MLYCD: variants seen among roughly 807,000 people sequenced by gnomAD.
The protein encoded by MLYCD is malonyl-CoA decarboxylase.
In MLYCD, 27 loss-of-function variants were observed where a neutral mutation model predicts 35.8. The observed-to-expected ratio is 0.75, with a 90% CI of 0.56 to 1.04. The LOEUF is 1.04. Ranked by LOEUF, MLYCD falls within the 50% of genes least tolerant of loss-of-function variation. The probability of loss-of-function intolerance (pLI) is 0.00; values close to 1 mark genes in which losing one functional copy is unlikely to be tolerated. For synonymous variants in MLYCD, 403 were observed against 302.4 expected (o/e 1.33, Z -3.45); for missense variants, 917 against 665.1 (o/e 1.38, Z -4.17).
chr16:83,903,348 A>T (rs1165135908), intron 1 of MLYCD, among the ~76,000 whole-genome samples: 1 of 152,154 alleles, frequency 6.6e-6, no homozygotes, highest in African/African-American at 2.4e-5. Flanking sequence ...ACCTATGCTA[A>T]ATAATACTTA....
At chr16:83,912,794 C>A in intron 4 of MLYCD, 2 of 305,032 alleles carry the variant, frequency 6.6e-6, no homozygotes, top group African/African-American at 4.3e-5. Flanking sequence ...CTCAGGGCCT[C>A]TGACACCTGA....
In MLYCD at chr16:83,907,844, C is replaced by T. The variant is rs114391845; in HGVS notation, c.642-282C>T. On this transcript the variant is annotated intron_variant, in intron 2 of 4. Transcript: ENST00000262430. ...ACACCAAGCGTTTGATTAGGTTTCA[C>T]GTTAAAATCTGCATGAATCCTTCCC... Among the ~76,000 whole-genome samples the T allele has an allele frequency of 7.5e-3, 1,144 of 152,254 alleles. 10 individuals carry two copies. Among genetic ancestry groups the T allele is most frequent in the Middle Eastern group, 0.014 (4 of 294 alleles).
At chr16:83,914,049 A>C (rs1268702571) in intron 4 of MLYCD, 1 of 152,244 alleles carries the variant, frequency 6.6e-6, no homozygotes, top group Non-Finnish European at 1.5e-5. Flanking sequence ...AAGAAACACC[A>C]GGAGTTTATC....
chr16:83,923,254 CTG>C lies in MLYCD; in HGVS notation c.*7767_*7768del, dbSNP rs1907708936. ...TGCAGGCATGTGCTTATTCTGAGCTCTGTTTGAAATTAAACATGAGGTGTACT... is the reference window on the plus strand; with the variant it reads ...TGCAGGCATGTGCTTATTCTGAGCTCTTTGAAATTAAACATGAGGTGTACT... On this transcript the variant is annotated 3_prime_UTR_variant, in exon 5 of 5. Coordinates refer to ENST00000262430, the MANE Select transcript of MLYCD (RefSeq NM_012213.3). The C allele has an allele frequency of 6.6e-6, 1 of 152,340 alleles. No individual in the cohort carries two copies. Among genetic ancestry groups the C allele is most frequent in the South Asian group, 2.1e-4 (1 of 4,826 alleles). 9.4% of individuals were successfully genotyped at this position (152,340 alleles called of 1,614,324 possible).
chr16:83,908,728 G>A (rs1386126185), intron 3 of MLYCD, among the ~76,000 whole-genome samples: 1 of 152,216 alleles, frequency 6.6e-6, no homozygotes, highest in Non-Finnish European at 1.5e-5. Flanking sequence ...GACACTCCTT[G>A]GCGAGTGGAG....
chr16:83,909,620 GTT>G (rs1281867257), intron 3 of MLYCD, among the ~76,000 whole-genome samples: 3,518 of 130,718 alleles, frequency 0.027, 80 homozygotes, highest in African/African-American at 0.067. Context: ...GTGGTGTTGT[GTT>G]TTTTTTTTTT....
At chr16:83,910,102 C>T (rs192361751) in intron 3 of MLYCD, among the ~76,000 whole-genome samples, 8 of 152,016 alleles carry the variant, frequency 5.3e-5, no homozygotes, top group African/African-American at 1.2e-4. Context: ...CATTTGTGTG[C>T]GTACCGAGAG....
At position 83,924,590 on chromosome 16, in the gene MLYCD, G is replaced by C. The variant is rs1457945972; in HGVS notation, c.*9101G>C. 2 of 152,224 alleles carry C rather than the reference G, an allele frequency of 1.3e-5. No homozygotes were observed. The highest frequency in any genetic ancestry group is 2.4e-5 in the African/African-American group (1 of 41,462). The allele number at this position is 152,224 out of a possible 1,614,324, so 9.4% of individuals were successfully genotyped here. On this transcript the variant is annotated 3_prime_UTR_variant, in exon 5 of 5. Coordinates refer to ENST00000262430, the MANE Select transcript of MLYCD (RefSeq NM_012213.3). Reference sequence around the variant, plus strand: ...AGGCAGCCCTCACTCCTGCTGCTCAGACAGCACCCCCTGAACGTGAGTTAC... The same window carrying C: ...AGGCAGCCCTCACTCCTGCTGCTCACACAGCACCCCCTGAACGTGAGTTAC...
intron 1 of MLYCD, among the ~76,000 whole-genome samples, chr16:83,902,737 C>T (rs572194648): frequency 4.6e-5 from 7 of 152,276 alleles, no homozygotes; most frequent in Admixed American, 1.3e-4. Flanking sequence ...AACTCCTGAC[C>T]TCAGATGATC....
In MLYCD at chr16:83,908,643, G is replaced by T. The variant is rs538694307; in HGVS notation, c.798+361G>T. The stretch of plus-strand genomic sequence containing the variant: ...CCTTTACAGCTTTTGTTAAATGCCT[G>T]TGGGGAGTTTTGAAAGATACTTGAT... On this transcript the variant is annotated intron_variant, in intron 3 of 4. Coordinates refer to ENST00000262430, the MANE Select transcript of MLYCD (RefSeq NM_012213.3). Among the ~76,000 whole-genome samples, 9 of 152,362 alleles carry T rather than the reference G, an allele frequency of 5.9e-5. No homozygotes were observed. In the South Asian group the frequency reaches 1.4e-3, roughly 25 times the overall value.
Position 83,924,264 on chromosome 16 carries a change from G to A in MLYCD, c.*8775G>A, listed in dbSNP as rs1907740379. On this transcript the variant is annotated 3_prime_UTR_variant, in exon 5 of 5. Transcript: ENST00000262430. ...ATGGTTGGCCCGGTTTGGAGATGGG[G>A]GATCTGGCCCTGTGGTGAGTGCACC... 6.6e-6 allele frequency: 1 copy of A among 152,202 alleles called. No homozygotes were observed. Among genetic ancestry groups the A allele is most frequent in the African/African-American group, 2.4e-5 (1 of 41,418 alleles). 9.4% of individuals were successfully genotyped at this position (152,202 alleles called of 1,614,324 possible).
chr16:83,920,240 C>T lies in MLYCD; in HGVS notation c.*4751C>T, dbSNP rs1247988593. 1.3e-5 allele frequency: 2 copies of T among 152,160 alleles called. No homozygotes were observed. The highest frequency in any genetic ancestry group is 2.9e-5 in the Non-Finnish European group (2 of 68,040). The allele number at this position is 152,160 out of a possible 1,614,324, so 9.4% of individuals were successfully genotyped here. A position where few individuals can be genotyped will look rare whatever the true frequency, so the allele number is the denominator to read the frequency against. On this transcript the variant is annotated 3_prime_UTR_variant, in exon 5 of 5. Coordinates refer to ENST00000262430, the MANE Select transcript of MLYCD (RefSeq NM_012213.3). ...GGCCTCCCACAGCCATTCATAGAGC[C>T]CATTCTGTTTGCGATAAAAACAGAT...
chr16:83,906,320 G>A (rs2151056403), intron 1 of MLYCD, among the ~76,000 whole-genome samples: 1 of 152,288 alleles, frequency 6.6e-6, no homozygotes, highest in South Asian at 2.1e-4. Context: ...GAGCCCAGGA[G>A]GTCAAGGCTG....
chr16:83,902,814 A>G (rs149854305), intron 1 of MLYCD, among the ~76,000 whole-genome samples: 3 of 152,078 alleles, frequency 2.0e-5, no homozygotes, highest in African/African-American at 7.2e-5. Flanking sequence ...CTGTGTTCTT[A>G]CTTTTTAAAA....
chr16:83,908,905 C>G (rs1907075501), intron 3 of MLYCD, among the ~76,000 whole-genome samples: 1 of 152,156 alleles, frequency 6.6e-6, no homozygotes, highest in South Asian at 2.1e-4. Context: ...TGGCAGGGAG[C>G]ATGAGACCCC....
Position 83,916,484 on chromosome 16 carries a change from GTC to G in MLYCD, c.*999_*1000del, listed in dbSNP as rs1385162941. The G allele has an allele frequency of 1.5e-4, 22 of 148,640 alleles. No homozygotes were observed. The highest frequency in any genetic ancestry group is 5.0e-4 in the African/African-American group (20 of 39,916). The allele number at this position is 148,640 out of a possible 1,614,324, so 9.2% of individuals were successfully genotyped here. A position where few individuals can be genotyped will look rare whatever the true frequency, so the allele number is the denominator to read the frequency against. On this transcript the variant is annotated 3_prime_UTR_variant, in exon 5 of 5. Coordinates refer to ENST00000262430, the MANE Select transcript of MLYCD (RefSeq NM_012213.3). ...CACGTCTGTGTGCGTGTGCACGAGC[GTC>G]TCTGTGTGTATCAGTGCATGTCTGT...
intron 3 of MLYCD, 165 bp from the exon 4 acceptor site, chr16:83,912,053 C>A: frequency 2.1e-6 from 2 of 974,230 alleles, no homozygotes; most frequent in Non-Finnish European, 3.2e-6. Flanking sequence ...GTTTTCAAAA[C>A]AGAGCAGCTT....
rs1314826657 is a variant in MLYCD, at chr16:83,917,564, G to A, written c.*2075G>A. On this transcript the variant is annotated 3_prime_UTR_variant, in exon 5 of 5. Transcript: ENST00000262430. Reference sequence around the variant, plus strand: ...GGCGTGTTGCTTCGTGACAGACGGTGTGATCGCGGGAGCTGTCTCATGCCT... The same window carrying A: ...GGCGTGTTGCTTCGTGACAGACGGTATGATCGCGGGAGCTGTCTCATGCCT... The A allele has an allele frequency of 6.5e-6, 1 of 152,808 alleles. No individual in the cohort carries two copies. The highest frequency in any genetic ancestry group is 1.5e-5 in the Non-Finnish European group (1 of 68,074). 9.5% of individuals were successfully genotyped at this position (152,808 alleles called of 1,614,324 possible). A position where few individuals can be genotyped will look rare whatever the true frequency, so the allele number is the denominator to read the frequency against.
chr16:83,900,488 C>T (rs543600125), intron 1 of MLYCD, among the ~76,000 whole-genome samples: 1 of 151,794 alleles, frequency 6.6e-6, no homozygotes, highest in Non-Finnish European at 1.5e-5. Context: ...TATCACGGCT[C>T]ACTGCAGCCT....
Sources: allele counts gnomAD v4.1 joint callset (sites outside exome capture counted in the v4.1 genomes callset), GRCh38; gene constraint gnomAD v4.1.1; transcripts MANE v1.5; gene names NCBI Gene and HGNC (gene_info 2026-07-23, HGNC 2026-07-21).